The following HSD17B12 variants were observed in gnomAD, a reference collection of about 807,000 sequenced individuals.
HSD17B12 encodes very-long-chain 3-oxoacyl-CoA reductase.
A neutral mutation model predicts 39.3 loss-of-function variants in HSD17B12; 32 were observed. The ratio of observed to expected loss-of-function variants is 0.81; its 90% CI spans 0.61 to 1.09. The LOEUF is 1.09. Ranked by LOEUF, HSD17B12 falls within the 50% of genes least tolerant of loss-of-function variation. HSD17B12 has a pLI of 0.00. For missense variants in HSD17B12, 342 were observed against 382.9 expected, an observed-to-expected ratio of 0.89 and a Z score of 0.89; for synonymous variants, 150 against 146.7, an observed-to-expected ratio of 1.02 and a Z score of -0.16.
chr11:43,597,332 C>T, the HSD17B12 span, among the ~76,000 whole-genome samples: 2 of 152,058 alleles, frequency 1.3e-5, no homozygotes, highest in African/African-American at 4.8e-5. Context: ...ATGGTATATT[C>T]TGGAAATGTT....
At chr11:43,576,999 T>C in the HSD17B12 span, among the ~76,000 whole-genome samples, 6 of 151,976 alleles carry the variant, frequency 3.9e-5, no homozygotes, top group Non-Finnish European at 8.8e-5. Context: ...CTCTGAGAGA[T>C]TAATGGAGAC....
At chr11:43,606,594 T>A in the HSD17B12 span, among the ~76,000 whole-genome samples, 7 of 152,360 alleles carry the variant, frequency 4.6e-5, no homozygotes, top group Admixed American at 4.6e-4. Flanking sequence ...CTTGAGGACT[T>A]CAAATCTGAT....
At chr11:43,579,815 A>G in the HSD17B12 span, among the ~76,000 whole-genome samples, 3 of 151,730 alleles carry the variant, frequency 2.0e-5, no homozygotes, top group African/African-American at 7.3e-5. Context: ...ACTTGAAGAC[A>G]GTGCCTCCAC....
chr11:43,705,123 A>G (rs1010006506), intron 1 of HSD17B12, among the ~76,000 whole-genome samples: 1 of 152,244 alleles, frequency 6.6e-6, no homozygotes, highest in Non-Finnish European at 1.5e-5. Context: ...ATTGCTATTC[A>G]TTTGAATACA....
At chr11:43,625,555 A>G in the HSD17B12 span, among the ~76,000 whole-genome samples, 3 of 151,624 alleles carry the variant, frequency 2.0e-5, no homozygotes, top group East Asian at 5.8e-4. Flanking sequence ...TATATAATAT[A>G]TTTTAAGCAT....
the HSD17B12 span, among the ~76,000 whole-genome samples, chr11:43,641,498 C>T: frequency 6.6e-6 from 1 of 151,796 alleles, no homozygotes; most frequent in East Asian, 1.9e-4. Context: ...AAAAGCAGGC[C>T]CGTGAATTAA....
chr11:43,560,547 C>T, the HSD17B12 span, among the ~76,000 whole-genome samples: 1 of 152,140 alleles, frequency 6.6e-6, no homozygotes. Context: ...CTGTGTCCCC[C>T]GTCTGTGTAG....
intron 1 of HSD17B12, among the ~76,000 whole-genome samples, chr11:43,741,223 TAGTC>T (rs1950361608): frequency 6.6e-6 from 1 of 152,226 alleles, no homozygotes; most frequent in Admixed American, 6.5e-5. Context: ...TTTACACTAA[TAGTC>T]TATGTTAATT....
intron 7 of HSD17B12, among the ~76,000 whole-genome samples, chr11:43,835,606 T>C (rs1385027649): frequency 6.6e-6 from 1 of 152,226 alleles, no homozygotes; most frequent in Non-Finnish European, 1.5e-5. Flanking sequence ...TTTTCTCTAC[T>C]GTCACTTTGG....
At chr11:43,665,047 A>T in the HSD17B12 span, among the ~76,000 whole-genome samples, 1 of 152,238 alleles carries the variant, frequency 6.6e-6, no homozygotes, top group Admixed American at 6.5e-5. Context: ...AAAAATGTTC[A>T]TTCATATCCT....
chr11:43,758,147 C>A (rs1441594561), intron 3 of HSD17B12, among the ~76,000 whole-genome samples: 1 of 152,144 alleles, frequency 6.6e-6, no homozygotes, highest in Non-Finnish European at 1.5e-5. Flanking sequence ...AATCCTAAAT[C>A]TCTGGTAAGT....
the HSD17B12 span, among the ~76,000 whole-genome samples, chr11:43,565,540 T>G: frequency 6.6e-6 from 1 of 152,270 alleles, no homozygotes; most frequent in East Asian, 1.9e-4. Flanking sequence ...AGTTATGGCT[T>G]ATAGCTACTG....
At chr11:43,703,211 T>C (rs1392593761) in intron 1 of HSD17B12, among the ~76,000 whole-genome samples, 1 of 152,214 alleles carries the variant, frequency 6.6e-6, no homozygotes, top group Non-Finnish European at 1.5e-5. Flanking sequence ...TTCTTTTTTT[T>C]TGAGACGGAG....
chr11:43,787,358 G>C (rs1158817512), intron 3 of HSD17B12, among the ~76,000 whole-genome samples: 1 of 152,140 alleles, frequency 6.6e-6, no homozygotes, highest in Non-Finnish European at 1.5e-5. Context: ...ATGAAGAGAG[G>C]CTGTTTTCTG....
the HSD17B12 span, among the ~76,000 whole-genome samples, chr11:43,590,700 C>T: frequency 2.7e-5 from 4 of 150,274 alleles, no homozygotes; most frequent in South Asian, 2.1e-4. Flanking sequence ...TTAGTAGAGA[C>T]GAGGTTTCAC....
chr11:43,645,405 A>G, the HSD17B12 span: 1 of 152,216 alleles, frequency 6.6e-6, no homozygotes, highest in Admixed American at 6.5e-5. Context: ...CACAAGTAGA[A>G]CTGGTATCTA....
chr11:43,714,305 A>G (rs977793793), intron 1 of HSD17B12, among the ~76,000 whole-genome samples: 6 of 152,036 alleles, frequency 3.9e-5, no homozygotes, highest in African/African-American at 1.2e-4. Context: ...TTTGTATAAG[A>G]TGTAAGGAAG....
chr11:43,748,444 A>G (rs571632262), intron 1 of HSD17B12, among the ~76,000 whole-genome samples: 1 of 152,248 alleles, frequency 6.6e-6, no homozygotes, highest in African/African-American at 2.4e-5. Flanking sequence ...CAAACAGTAG[A>G]CACTGTGGTC....
intron 2 of HSD17B12, among the ~76,000 whole-genome samples, chr11:43,751,565 C>A (rs1336385075): frequency 1.3e-5 from 2 of 152,144 alleles, no homozygotes; most frequent in African/African-American, 4.8e-5. Flanking sequence ...TGGGGTGATT[C>A]TAATAAAGAT....
Sources: gnomAD v4.1 joint callset for allele counts (sites outside exome capture counted in the v4.1 genomes callset) on GRCh38, gnomAD v4.1.1 for gene constraint, MANE v1.5 for transcripts, NCBI Gene and HGNC (gene_info 2026-07-23, HGNC 2026-07-21) for gene names.